Variants in LRRC4C observed in about 807,000 individuals in gnomAD.
LRRC4C encodes the protein leucine-rich repeat-containing protein 4C.
Under a neutral mutation model 33.6 loss-of-function variants are expected in LRRC4C, and 5 were observed. That is an observed-to-expected ratio of 0.15 (90% CI 0.08 to 0.31). LRRC4C has a LOEUF of 0.31. LRRC4C is among the 10% of genes least tolerant of loss of function. LRRC4C has a pLI of 1.00. For synonymous variants in LRRC4C, 329 were observed against 302.0 expected (o/e 1.09, Z -0.93); for missense variants, 560 against 796.7 (o/e 0.70, Z 3.58).
At chr11:40,400,168 A>G (rs1949705806) in intron 3 of LRRC4C, among the ~76,000 whole-genome samples, 1 of 152,088 alleles carries the variant, frequency 6.6e-6, no homozygotes, top group African/African-American at 2.4e-5. Context: ...TAGACTACTC[A>G]GCACCTTTCA....
At chr11:40,993,157 C>A (rs900530716) in intron 1 of LRRC4C, among the ~76,000 whole-genome samples, 1 of 152,130 alleles carries the variant, frequency 6.6e-6, no homozygotes, top group Non-Finnish European at 1.5e-5. Context: ...CATTTCATTT[C>A]ATGTGCTTTG....
At chr11:40,493,290 T>G (rs1390747199) in intron 3 of LRRC4C, among the ~76,000 whole-genome samples, 1 of 152,146 alleles carries the variant, frequency 6.6e-6, no homozygotes, top group Non-Finnish European at 1.5e-5. Context: ...TTTTTGAGCC[T>G]GTAGATCCAG....
intron 3 of LRRC4C, among the ~76,000 whole-genome samples, chr11:40,396,497 A>G (rs1055987337): frequency 1.3e-5 from 2 of 152,156 alleles, no homozygotes; most frequent in African/African-American, 4.8e-5. Flanking sequence ...AATTACTCAA[A>G]CTGAAAATGT....
intron 5 of LRRC4C, among the ~76,000 whole-genome samples, chr11:40,200,331 T>C (rs1862622462): frequency 6.6e-6 from 1 of 150,492 alleles, no homozygotes; most frequent in African/African-American, 2.5e-5. Context: ...GCCACTGCAC[T>C]CCAGCCTGGG....
intron 3 of LRRC4C, among the ~76,000 whole-genome samples, chr11:40,574,513 T>A (rs1958106215): frequency 1.3e-5 from 2 of 152,180 alleles, no homozygotes; most frequent in Admixed American, 1.3e-4. Flanking sequence ...TTACAGAGAC[T>A]GGAACATTAG....
At chr11:40,984,502 T>C (rs1852847290) in intron 1 of LRRC4C, among the ~76,000 whole-genome samples, 1 of 152,170 alleles carries the variant, frequency 6.6e-6, no homozygotes, top group South Asian at 2.1e-4. Context: ...TGGTCTTTAC[T>C]TCTCTAACTA....
At chr11:40,795,958 T>G (rs1232688806) in intron 2 of LRRC4C, among the ~76,000 whole-genome samples, 1 of 152,102 alleles carries the variant, frequency 6.6e-6, no homozygotes, top group Non-Finnish European at 1.5e-5. Context: ...GAGGGAAAAA[T>G]GTGTTCTTAG....
At chr11:40,518,297 A>G (rs549561810) in intron 3 of LRRC4C, among the ~76,000 whole-genome samples, 9 of 152,376 alleles carry the variant, frequency 5.9e-5, no homozygotes, top group African/African-American at 2.2e-4. Flanking sequence ...GCATAGCAAA[A>G]GAAACTATCA....
At chr11:41,419,435 C>T (rs908119861) in intron 1 of LRRC4C, among the ~76,000 whole-genome samples, 10 of 151,786 alleles carry the variant, frequency 6.6e-5, no homozygotes, top group African/African-American at 2.4e-4. Flanking sequence ...GCAATGGAAG[C>T]TGGAAGTAGA....
intron 3 of LRRC4C, among the ~76,000 whole-genome samples, chr11:40,427,225 C>T (rs143917893): frequency 6.6e-5 from 10 of 152,088 alleles, no homozygotes; most frequent in East Asian, 1.9e-4. Flanking sequence ...AGTTGAGGAC[C>T]GGGCATGGTG....
At position 40,635,628 on chromosome 11, in the gene LRRC4C, A is replaced by ATTTTTTT. The variant is rs71060975; in HGVS notation, c.-270+12507_-270+12513dup. On this transcript the variant is annotated intron_variant, in intron 3 of 6. Transcript: ENST00000528697. ...ACTCCAGAAATTGAAAAAGAACCAA[A>ATTTTTTT]TTTTTTTTTTTTTTTTTTTTTTTTT... Among the ~76,000 whole-genome samples the ATTTTTTT allele has an allele frequency of 6.2e-4, 57 of 92,224 alleles. 2 individuals carry two copies. The highest frequency in any genetic ancestry group is 2.2e-3 in the African/African-American group (55 of 24,796). 60.5% of individuals were successfully genotyped at this position (92,224 alleles called of 152,430 possible). A position where few individuals can be genotyped will look rare whatever the true frequency, so the allele number is the denominator to read the frequency against.
chr11:40,329,687 C>A (rs1946262135), intron 3 of LRRC4C, among the ~76,000 whole-genome samples: 1 of 151,370 alleles, frequency 6.6e-6, no homozygotes, highest in African/African-American at 2.4e-5. Context: ...TTGAGGTATT[C>A]AAGTATTGAT....
At chr11:40,350,308 A>G (rs564930893) in intron 3 of LRRC4C, among the ~76,000 whole-genome samples, 4 of 152,206 alleles carry the variant, frequency 2.6e-5, no homozygotes, top group African/African-American at 9.6e-5. Flanking sequence ...TCTTCTGCAT[A>G]TGGATATTCC....
At chr11:40,554,227 T>C (rs1188310737) in intron 3 of LRRC4C, among the ~76,000 whole-genome samples, 3 of 152,162 alleles carry the variant, frequency 2.0e-5, no homozygotes, top group African/African-American at 7.2e-5. Flanking sequence ...TTTATGTACT[T>C]TGTTGAAGAG....
chr11:40,830,183 C>A (rs1952347626), intron 2 of LRRC4C, among the ~76,000 whole-genome samples: 2 of 152,078 alleles, frequency 1.3e-5, no homozygotes, highest in Admixed American at 1.3e-4. Flanking sequence ...GAAATTTATT[C>A]AATAACTGCG....
At position 40,776,032 on chromosome 11, in the gene LRRC4C, A is replaced by G. The variant is rs139554047; in HGVS notation, c.-406-127754T>C. Among the ~76,000 whole-genome samples the G allele has an allele frequency of 2.6e-4, 40 of 152,216 alleles. 2 individuals carry two copies. Among genetic ancestry groups the G allele is most frequent in the African/African-American group, 7.7e-4 (32 of 41,532 alleles). ...ATTTTCTGTATCTATTGAGATGATT[A>G]TATGGTTTTTGCTCTTAATTCTGTA... On this transcript the variant is annotated intron_variant, in intron 2 of 6. Coordinates refer to ENST00000528697, the MANE Select transcript of LRRC4C (RefSeq NM_001258419.2).
chr11:40,122,512 G>GT (rs1250587616), intron 6 of LRRC4C, among the ~76,000 whole-genome samples: 2 of 151,996 alleles, frequency 1.3e-5, no homozygotes, highest in African/African-American at 4.8e-5. Flanking sequence ...GCAGTATTTG[G>GT]TTTTCTGTTC....
chr11:40,425,162 G>T (rs965443869), intron 3 of LRRC4C, among the ~76,000 whole-genome samples: 3 of 151,822 alleles, frequency 2.0e-5, no homozygotes, highest in Non-Finnish European at 2.9e-5. Flanking sequence ...GGGTAGGTTT[G>T]TGGGGGATGT....
At chr11:41,131,123 C>A (rs74880854) in intron 1 of LRRC4C, among the ~76,000 whole-genome samples, 1 of 151,806 alleles carries the variant, frequency 6.6e-6, no homozygotes, top group South Asian at 2.1e-4. Flanking sequence ...TGCAGCAGCC[C>A]GAGTTTAGTA....
Sources: gnomAD v4.1 joint callset for allele counts (sites outside exome capture counted in the v4.1 genomes callset) on GRCh38, gnomAD v4.1.1 for gene constraint, MANE v1.5 for transcripts, NCBI Gene and HGNC (gene_info 2026-07-23, HGNC 2026-07-21) for gene names.